The following WWOX variants were observed in gnomAD, a reference collection of about 807,000 sequenced individuals.
WWOX encodes WW domain-containing oxidoreductase.
A neutral mutation model predicts 46.2 loss-of-function variants in WWOX; 69 were observed. The observed-to-expected ratio is 1.49, with a 90% CI of 1.23 to 1.82. The LOEUF (loss-of-function observed/expected upper bound fraction) is 1.82. Ranked by LOEUF, WWOX falls within the 40% of genes most tolerant of loss-of-function variation. WWOX has a pLI of 0.00. For missense variants in WWOX, 919 were observed against 542.6 expected (o/e 1.69, Z -6.89); for synonymous variants, 359 against 202.6 (o/e 1.77, Z -6.56).
intron 8 of WWOX, among the ~76,000 whole-genome samples, chr16:79,130,405 G>T (rs1340476978): frequency 6.6e-6 from 1 of 152,284 alleles, no homozygotes; most frequent in Non-Finnish European, 1.5e-5. Context: ...ACAAAAGACA[G>T]TATGAAGTAC....
At chr16:78,772,985 G>A (rs370559777) in intron 8 of WWOX, among the ~76,000 whole-genome samples, 9 of 152,264 alleles carry the variant, frequency 5.9e-5, no homozygotes, top group South Asian at 2.1e-4. Context: ...TCATCATGCC[G>A]CTGTGCTCCA....
intron 8 of WWOX, among the ~76,000 whole-genome samples, chr16:78,507,247 G>A (rs1381648180): frequency 1.3e-5 from 2 of 152,132 alleles, no homozygotes; most frequent in East Asian, 1.9e-4. Flanking sequence ...ATATATAAAC[G>A]TAAATAAGAA....
At chr16:78,826,348 A>T (rs2051656649) in intron 8 of WWOX, among the ~76,000 whole-genome samples, 1 of 152,222 alleles carries the variant, frequency 6.6e-6, no homozygotes, top group South Asian at 2.1e-4. Context: ...CTCAGTCTCA[A>T]AACAACAGCA....
chr16:78,261,817 T>TATATATATATATATAC (rs1567464802), intron 5 of WWOX, among the ~76,000 whole-genome samples: 12 of 146,156 alleles, frequency 8.2e-5, no homozygotes, highest in African/African-American at 2.8e-4. Flanking sequence ...TATATATATA[T>TATATATATATATATAC]ACTTATAATG....
At chr16:78,671,232 G>A (rs778497880) in intron 8 of WWOX, among the ~76,000 whole-genome samples, 1 of 152,078 alleles carries the variant, frequency 6.6e-6, no homozygotes, top group African/African-American at 2.4e-5. Context: ...AGACCAGCCT[G>A]GGCAACAAGG....
rs1196673487 is a variant in WWOX, at chr16:79,051,659, T to C, written c.1057-159949T>C. 2.6e-5 allele frequency among the ~76,000 whole-genome samples: 4 copies of C among 152,216 alleles called. No individual in the cohort carries two copies. In the East Asian group the frequency reaches 7.7e-4, roughly 29 times the overall value. The stretch of plus-strand genomic sequence containing the variant: ...TAGTGTTATCCTTTCATGCCAGCAA[T>C]TGAATTTGATTTGCACTGTTTCACT... On this transcript the variant is annotated intron_variant, in intron 8 of 8. Transcript: ENST00000566780.
At chr16:79,133,955 C>A (rs925228898) in intron 8 of WWOX, among the ~76,000 whole-genome samples, 1 of 151,974 alleles carries the variant, frequency 6.6e-6, no homozygotes. Context: ...GGCAAGTCCT[C>A]AAGAAGAAAA....
chr16:78,726,596 G>T (rs1404181108), intron 8 of WWOX, among the ~76,000 whole-genome samples: 1 of 152,160 alleles, frequency 6.6e-6, no homozygotes, highest in Non-Finnish European at 1.5e-5. Flanking sequence ...TAAATTAATG[G>T]AGGAAGGGAG....
At chr16:78,643,951 G>A (rs144984409) in intron 8 of WWOX, among the ~76,000 whole-genome samples, 5 of 152,224 alleles carry the variant, frequency 3.3e-5, no homozygotes, top group East Asian at 1.9e-4. Context: ...AGCTGGGTGC[G>A]GTGGCTCACG....
Position 78,952,009 on chromosome 16 carries a change from A to G in WWOX, c.1057-259599A>G, listed in dbSNP as rs147497928. 7.5e-3 allele frequency among the ~76,000 whole-genome samples: 1,139 copies of G among 152,296 alleles called. 10 individuals are homozygous for G. Among genetic ancestry groups the G allele is most frequent in the Middle Eastern group, 0.014 (4 of 294 alleles). On this transcript the variant is annotated intron_variant, in intron 8 of 8. Transcript: ENST00000566780. ...GCCATTCTAATCTTCCCACCCTCAG[A>G]TAAACCACAGCAATGATTTTATACT... is the stretch of plus-strand genomic sequence containing the variant.
chr16:78,946,036 G>C (rs1281059327), intron 8 of WWOX, among the ~76,000 whole-genome samples: 1 of 152,184 alleles, frequency 6.6e-6, no homozygotes, highest in Non-Finnish European at 1.5e-5. Context: ...ATAGCACTTC[G>C]CAATGAAGCT....
chr16:78,656,359 A>G (rs2047080643), intron 8 of WWOX, among the ~76,000 whole-genome samples: 1 of 152,146 alleles, frequency 6.6e-6, no homozygotes, highest in Admixed American at 6.5e-5. Context: ...ACATTGATGT[A>G]AAGGACTACC....
intron 8 of WWOX, among the ~76,000 whole-genome samples, chr16:79,197,639 C>G (rs1014561150): frequency 4.6e-5 from 7 of 152,170 alleles, no homozygotes; most frequent in African/African-American, 1.7e-4. Flanking sequence ...TGGTGATAAT[C>G]TGGGCTTTTT....
intron 6 of WWOX, among the ~76,000 whole-genome samples, chr16:78,400,838 T>G (rs566851683): frequency 3.9e-5 from 6 of 152,330 alleles, no homozygotes; most frequent in Admixed American, 3.3e-4. Context: ...TTGTTACTTG[T>G]TTCTGAGATA....
chr16:78,688,791 A>C (rs1001449627), intron 8 of WWOX, among the ~76,000 whole-genome samples: 1 of 152,168 alleles, frequency 6.6e-6, no homozygotes, highest in African/African-American at 2.4e-5. Context: ...TGTAGTTCTC[A>C]TAATCCCCAC....
intron 8 of WWOX, among the ~76,000 whole-genome samples, chr16:78,469,343 A>C (rs2084165008): frequency 1.3e-5 from 2 of 152,210 alleles, no homozygotes. Context: ...AATATAGCTG[A>C]CTATAAGTTA....
chr16:78,579,619 G>A (rs1266242774), intron 8 of WWOX, among the ~76,000 whole-genome samples: 1 of 152,148 alleles, frequency 6.6e-6, no homozygotes, highest in Non-Finnish European at 1.5e-5. Context: ...TGTACTTCAA[G>A]GTTTTGGAGT....
chr16:78,314,585 C>T (rs1425380363), intron 5 of WWOX, among the ~76,000 whole-genome samples: 9 of 141,018 alleles, frequency 6.4e-5, no homozygotes, highest in Admixed American at 2.9e-4. Context: ...AGTGTAATGG[C>T]GTGATACTGG....
chr16:79,146,115 G>C (rs1390008994), intron 8 of WWOX, among the ~76,000 whole-genome samples: 1 of 152,068 alleles, frequency 6.6e-6, no homozygotes, highest in East Asian at 1.9e-4. Flanking sequence ...CTGTATTCCT[G>C]GTAACTTGCA....
Sources: allele counts gnomAD v4.1 joint callset (sites outside exome capture counted in the v4.1 genomes callset), GRCh38; gene constraint gnomAD v4.1.1; transcripts MANE v1.5; gene names NCBI Gene and HGNC (gene_info 2026-07-23, HGNC 2026-07-21).